APBA1: variants seen among roughly 807,000 people sequenced by gnomAD.
APBA1 encodes amyloid-beta A4 precursor protein-binding family A member 1.
APBA1 carries 55 observed loss-of-function variants against 86.6 expected under a neutral mutation model. The observed-to-expected ratio is 0.64, with a 90% CI of 0.51 to 0.80. The LOEUF (loss-of-function observed/expected upper bound fraction) is 0.80. Ranked by LOEUF, APBA1 falls within the 30% of genes least tolerant of loss-of-function variation. APBA1 has a pLI of 0.00. For synonymous variants in APBA1, 511 were observed against 493.9 expected (o/e 1.03, Z -0.46); for missense variants, 1,090 against 1,183.0 (o/e 0.92, Z 1.15).
At chr9:69,611,298 A>C (rs143839126) in intron 1 of APBA1, among the ~76,000 whole-genome samples, 74 of 142,964 alleles carry the variant, frequency 5.2e-4, no homozygotes, top group South Asian at 7.1e-4. Context: ...AAAAAAAAAA[A>C]AAAAAACAAA....
In APBA1 at chr9:69,431,317, G is replaced by A; in HGVS notation, c.*10C>T. ...GAGTCCTCCATGCATGCCACCGCGT[G>A]TGGCCGCGGTCAGATGTAAACAGGC... On this transcript the variant is annotated 3_prime_UTR_variant, in exon 13 of 13. Transcript: ENST00000265381. 3 of 1,590,962 alleles carry A rather than the reference G, an allele frequency of 1.9e-6. No homozygotes were observed. Among genetic ancestry groups the A allele is most frequent in the Non-Finnish European group, 2.6e-6 (3 of 1,169,682 alleles).
rs372619336 is a variant in APBA1, at chr9:69,436,178, A to G, written c.2302-3502T>C. On this transcript the variant is annotated intron_variant, in intron 11 of 12. Coordinates refer to ENST00000265381, the MANE Select transcript of APBA1 (RefSeq NM_001163.4). ...CCAGTACCATGCTGTTTTGGTTACTATAGCCTTGTAGTATAGTTTGAAGTC... is the reference window on the plus strand; with the variant it reads ...CCAGTACCATGCTGTTTTGGTTACTGTAGCCTTGTAGTATAGTTTGAAGTC... Among the ~76,000 whole-genome samples the G allele has an allele frequency of 3.7e-3, 553 of 149,766 alleles. 43 individuals carry two copies. Among genetic ancestry groups the G allele is most frequent in the Middle Eastern group, 0.017 (5 of 292 alleles).
At chr9:69,523,513 A>G (rs1482177667) in intron 1 of APBA1, among the ~76,000 whole-genome samples, 3 of 57,528 alleles carry the variant, frequency 5.2e-5, no homozygotes, top group African/African-American at 9.2e-5. Context: ...ATATATATAT[A>G]TATATATATA....
chr9:69,491,340 C>A (rs532261793), intron 2 of APBA1, among the ~76,000 whole-genome samples: 1 of 151,936 alleles, frequency 6.6e-6, no homozygotes, highest in East Asian at 1.9e-4. Context: ...TCATTCTCAG[C>A]AAACTATGGC....
At chr9:69,565,240 C>A (rs1333303877) in intron 1 of APBA1, among the ~76,000 whole-genome samples, 1 of 152,016 alleles carries the variant, frequency 6.6e-6, no homozygotes, top group Non-Finnish European at 1.5e-5. Context: ...TTCCAAGGAC[C>A]CTCCTGTTAG....
At chr9:69,545,231 C>T (rs1836679503) in intron 1 of APBA1, among the ~76,000 whole-genome samples, 1 of 152,104 alleles carries the variant, frequency 6.6e-6, no homozygotes, top group African/African-American at 2.4e-5. Flanking sequence ...TGCTAGCCGG[C>T]AAAGAAAAAT....
intron 1 of APBA1, among the ~76,000 whole-genome samples, chr9:69,541,239 A>G (rs551525825): frequency 2.2e-5 from 3 of 138,016 alleles, no homozygotes; most frequent in East Asian, 2.2e-4. Flanking sequence ...TCTATTTTTA[A>G]TTGTTTTAGG....
At chr9:69,452,358 G>A in intron 8 of APBA1, 57 bp from the exon 9 acceptor site, 1 of 1,546,122 alleles carries the variant, frequency 6.5e-7, no homozygotes, top group Admixed American at 1.7e-5. Flanking sequence ...CTGGTGAGCG[G>A]CCTGGCGCAC....
chr9:69,575,146 G>A (rs1260494415), intron 1 of APBA1, among the ~76,000 whole-genome samples: 1 of 152,066 alleles, frequency 6.6e-6, no homozygotes, highest in Non-Finnish European at 1.5e-5. Flanking sequence ...GCAAACTCCT[G>A]GGCTCAAGCA....
chr9:69,441,444 C>T (rs1834822457), intron 10 of APBA1, among the ~76,000 whole-genome samples: 1 of 152,188 alleles, frequency 6.6e-6, no homozygotes, highest in Admixed American at 6.5e-5. Flanking sequence ...TATCAGATGT[C>T]CTTTTTGGCT....
chr9:69,658,282 T>TCTC (rs1823665826), intron 1 of APBA1, among the ~76,000 whole-genome samples: 2 of 39,788 alleles, frequency 5.0e-5, no homozygotes, highest in African/African-American at 1.3e-4. Context: ...CTTTCTTTCT[T>TCTC]TCTCTCTCTC....
At chr9:69,560,699 AT>A (rs1836934498) in intron 1 of APBA1, among the ~76,000 whole-genome samples, 1 of 152,100 alleles carries the variant, frequency 6.6e-6, no homozygotes, top group Non-Finnish European at 1.5e-5. Context: ...GGGATCTTAA[AT>A]TTTTTCAGAT....
chr9:69,439,499 T>G (rs1285856670), intron 11 of APBA1, among the ~76,000 whole-genome samples: 2 of 152,230 alleles, frequency 1.3e-5, no homozygotes, highest in Admixed American at 1.3e-4. Context: ...TTATTCTTTT[T>G]TCTCTAAAAT....
At chr9:69,645,814 A>AC (rs1360785286) in intron 1 of APBA1, among the ~76,000 whole-genome samples, 1 of 152,086 alleles carries the variant, frequency 6.6e-6, no homozygotes, top group African/African-American at 2.4e-5. Context: ...TTCTCGTCAG[A>AC]CCAGTTCTGG....
intron 1 of APBA1, among the ~76,000 whole-genome samples, chr9:69,573,672 T>C (rs1192418046): frequency 6.6e-6 from 1 of 152,232 alleles, no homozygotes; most frequent in African/African-American, 2.4e-5. Context: ...TGTCTTCCCC[T>C]GCAAAACGGT....
intron 11 of APBA1, 75 bp from the exon 12 acceptor site, chr9:69,432,751 C>G (rs1366952567): frequency 2.2e-6 from 3 of 1,352,746 alleles, no homozygotes; most frequent in Non-Finnish European, 2.9e-6. Flanking sequence ...TTCCTGAAAG[C>G]CCCCTGCCCC....
At chr9:69,551,528 G>C (rs1588358023) in intron 1 of APBA1, among the ~76,000 whole-genome samples, 1 of 150,316 alleles carries the variant, frequency 6.7e-6, no homozygotes, top group East Asian at 2.0e-4. Context: ...ACTCCAGCCT[G>C]GGTGACAGGG....
At chr9:69,672,105 A>T (rs1048105399) in intron 1 of APBA1, 48 bp downstream of exon 1, 4 of 153,198 alleles carry the variant, frequency 2.6e-5, no homozygotes, top group African/African-American at 9.7e-5. Context: ...CGGGGGCCGC[A>T]TCAGCGCCGG....
chr9:69,529,538 G>T lies in APBA1; in HGVS notation c.-69-12259C>A, dbSNP rs564694842. Among the ~76,000 whole-genome samples the T allele has an allele frequency of 2.0e-5, 3 of 152,168 alleles. No homozygotes were observed. In the South Asian group the frequency reaches 6.2e-4, roughly 32 times the overall value. Reference sequence around the variant, plus strand: ...GGAAACCCATAATAGTTCATTGGCCGTGTTGATCAGAATGTAAAGAGATAT... The same window carrying T: ...GGAAACCCATAATAGTTCATTGGCCTTGTTGATCAGAATGTAAAGAGATAT... On this transcript the variant is annotated intron_variant, in intron 1 of 12. Coordinates refer to ENST00000265381, the MANE Select transcript of APBA1 (RefSeq NM_001163.4).
Sources: allele counts gnomAD v4.1 joint callset (sites outside exome capture counted in the v4.1 genomes callset), GRCh38; gene constraint gnomAD v4.1.1; transcripts MANE v1.5; gene names NCBI Gene and HGNC (gene_info 2026-07-23, HGNC 2026-07-21).